Variants in TESMIN observed in about 807,000 individuals in gnomAD.
TESMIN encodes testis expressed metallothionein like protein, also known as CXC domain containing 2.
In TESMIN, 34 loss-of-function variants were observed where a neutral mutation model predicts 47.4. The ratio of observed to expected loss-of-function variants is 0.72; its 90% CI spans 0.55 to 0.96. The LOEUF is 0.96. TESMIN is among the 40% of genes least tolerant of loss of function. The probability of loss-of-function intolerance (pLI) is 0.00; values close to 1 mark genes in which losing one functional copy is unlikely to be tolerated. For synonymous variants in TESMIN, 278 were observed against 258.9 expected, an observed-to-expected ratio of 1.07 and a Z score of -0.71; for missense variants, 610 against 637.2, an observed-to-expected ratio of 0.96 and a Z score of 0.46.
intron 5 of TESMIN, among the ~76,000 whole-genome samples, chr11:68,739,294 G>A (rs2153992486): frequency 6.6e-6 from 1 of 152,240 alleles, no homozygotes; most frequent in Non-Finnish European, 1.5e-5. Flanking sequence ...CATTGTCCAT[G>A]TTCTTTGCTT....
chr11:68,731,359 T>A (rs757151372), intron 6 of TESMIN, among the ~76,000 whole-genome samples: 3 of 151,790 alleles, frequency 2.0e-5, no homozygotes, highest in Non-Finnish European at 4.4e-5. Flanking sequence ...GCCCAGGGGG[T>A]CAAGGCTGCA....
Position 68,750,496 on chromosome 11 carries a change from G to T in TESMIN, c.165C>A (p.Gly55=), listed in dbSNP as rs1946580703. 6.2e-7 allele frequency: 1 copy of T among 1,602,762 alleles called. No individual in the cohort carries two copies. Among genetic ancestry groups the T allele is most frequent in the Non-Finnish European group, 8.5e-7 (1 of 1,175,288 alleles). ...EFHVFKEAYL[G]PADPKEPVLH... ...GGACGGGTTCCTTGGGGTCCGCCGG[G>T]CCCAGGTACGCTTCTTTGAAGACGT... The change falls in exon 2 of 10, where the codon GGC becomes GGA. Residue 55 remains glycine (G), a synonymous_variant. Transcript: ENST00000255087.
intron 6 of TESMIN, chr11:68,736,660 A>T: frequency 1.0e-6 from 1 of 983,546 alleles, no homozygotes; most frequent in Non-Finnish European, 1.2e-6. Context: ...TTTTCCTGGC[A>T]CACCGTTTAC....
At chr11:68,745,610 T>C (rs1484789907) in intron 3 of TESMIN, among the ~76,000 whole-genome samples, 2 of 152,258 alleles carry the variant, frequency 1.3e-5, no homozygotes, top group African/African-American at 2.4e-5. Context: ...TGTCCTTTCC[T>C]GCCACACACA....
At chr11:68,715,766 G>A (rs1332224036) in intron 7 of TESMIN, 71 bp downstream of exon 7, 1 of 1,104,328 alleles carries the variant, frequency 9.1e-7, no homozygotes, top group Non-Finnish European at 1.3e-6. Flanking sequence ...AATCTCTGAA[G>A]GTGATTTTAT....
intron 8 of TESMIN, among the ~76,000 whole-genome samples, chr11:68,712,236 T>C (rs1946081752): frequency 6.6e-6 from 1 of 152,248 alleles, no homozygotes; most frequent in Admixed American, 6.5e-5. Flanking sequence ...TGAAGGTGTT[T>C]TGCAGGACAG....
chr11:68,738,589 T>C (rs1946416124), intron 6 of TESMIN, 111 bp downstream of exon 6: 36 of 1,524,594 alleles, frequency 2.4e-5, no homozygotes, highest in Non-Finnish European at 3.1e-5. Context: ...TCAGAAGTCA[T>C]GAAGGTGTGC....
In TESMIN at chr11:68,707,841, CGGA is replaced by C. The variant is rs1946014400; in HGVS notation, c.*464_*466del. On this transcript the variant is annotated 3_prime_UTR_variant, in exon 10 of 10. Coordinates refer to ENST00000255087, the MANE Select transcript of TESMIN (RefSeq NM_004923.3). ...TTAAGTGGTATCACAACAGCCCATCCGGAGAACTTATTTCTAAATAATTTGAAA... is the reference window on the plus strand; with the variant it reads ...TTAAGTGGTATCACAACAGCCCATCCGAACTTATTTCTAAATAATTTGAAA... The C allele has an allele frequency of 2.2e-6, 1 of 456,098 alleles. No individual in the cohort carries two copies. Among genetic ancestry groups the C allele is most frequent in the African/African-American group, 2.0e-5 (1 of 50,080 alleles). 28.3% of individuals were successfully genotyped at this position (456,098 alleles called of 1,614,324 possible). A position where few individuals can be genotyped will look rare whatever the true frequency, so the allele number is the denominator to read the frequency against.
intron 6 of TESMIN, among the ~76,000 whole-genome samples, chr11:68,721,192 T>C (rs1205958691): frequency 1.3e-5 from 2 of 152,250 alleles, no homozygotes. Flanking sequence ...ACTGAGCATG[T>C]AGATGTTTTA....
At chr11:68,735,996 A>C (rs1226682082) in intron 6 of TESMIN, 7 of 802,826 alleles carry the variant, frequency 8.7e-6, no homozygotes, top group African/African-American at 1.9e-5. Flanking sequence ...CTCCAGATGG[A>C]CTGCTCTCTC....
chr11:68,719,140 T>C (rs540890626), intron 6 of TESMIN, among the ~76,000 whole-genome samples: 26 of 152,282 alleles, frequency 1.7e-4, no homozygotes, highest in African/African-American at 5.5e-4. Flanking sequence ...AGCCCCTCCA[T>C]GGCAGGCCAG....
At chr11:68,736,592 GGA>G (rs1946389234) in intron 6 of TESMIN, 1 of 985,196 alleles carries the variant, frequency 1.0e-6, no homozygotes, top group South Asian at 4.7e-5. Context: ...CCAATTAAGT[GGA>G]GAGGCATTGG....
At chr11:68,750,735 A>C (rs1386156912) in intron 1 of TESMIN, 36 bp from the exon 2 acceptor site, 2 of 972,894 alleles carry the variant, frequency 2.1e-6, no homozygotes, top group Non-Finnish European at 2.7e-6. Context: ...CAGCCAGAGG[A>C]GAGGACGAGG....
At chr11:68,734,794 A>G (rs926344103) in intron 6 of TESMIN, among the ~76,000 whole-genome samples, 1 of 152,228 alleles carries the variant, frequency 6.6e-6, no homozygotes, top group Admixed American at 6.5e-5. Context: ...CAAACGCCCT[A>G]AAGAGAGGCA....
chr11:68,710,581 G>A, intron 9 of TESMIN: 1 of 356,290 alleles, frequency 2.8e-6, no homozygotes, highest in African/African-American at 2.1e-5. Context: ...TGCTAGCCCT[G>A]CTGGTGATCC....
intron 8 of TESMIN, among the ~76,000 whole-genome samples, chr11:68,712,231 G>C (rs1283741316): frequency 6.6e-6 from 1 of 152,260 alleles, no homozygotes. Context: ...GCCAGTGAAG[G>C]TGTTTTGCAG....
intron 6 of TESMIN, chr11:68,736,974 G>A (rs548833941): frequency 8.1e-6 from 8 of 985,298 alleles, no homozygotes; most frequent in South Asian, 4.7e-5. Context: ...GGGAGAGCAC[G>A]CAATTAAAGT....
At position 68,747,245 on chromosome 11, in the gene TESMIN, G is replaced by A. The variant is rs755573988; in HGVS notation, c.593C>T (p.Ala198Val). The A allele has an allele frequency of 9.3e-6, 15 of 1,614,124 alleles. No homozygotes were observed. The East Asian group carries it at 1.3e-4, about 14-fold the overall frequency. ...ATCTTTCTTAAGAGAACAGCAGGAG[G>A]CATCCTCTAGTTCCTGGGACGATGG... ...KFPSSQELED[A>V]SCCSLKKDSN... The change falls in exon 3 of 10, where the codon GCC (alanine) becomes GTC (valine). Residue 198 changes from alanine to valine, a missense_variant. Physicochemically the swap from Ala to Val is moderately conservative, Grantham distance 64 (BLOSUM62 0). Coordinates refer to ENST00000255087, the MANE Select transcript of TESMIN (RefSeq NM_004923.3).
At chr11:68,726,121 C>T (rs1025809790) in intron 6 of TESMIN, among the ~76,000 whole-genome samples, 4 of 152,106 alleles carry the variant, frequency 2.6e-5, no homozygotes, top group South Asian at 2.1e-4. Context: ...CGTATATTAA[C>T]CCCAGTCGAA....
Sources: allele counts gnomAD v4.1 joint callset (sites outside exome capture counted in the v4.1 genomes callset), GRCh38; gene constraint gnomAD v4.1.1; transcripts MANE v1.5; gene names NCBI Gene and HGNC (gene_info 2026-07-23, HGNC 2026-07-21).